Variants in KAZN observed in about 807,000 individuals in gnomAD.
KAZN encodes kazrin.
A neutral mutation model predicts 87.4 loss-of-function variants in KAZN; 40 were observed. The observed-to-expected ratio is 0.46, with a 90% confidence interval of 0.36 to 0.60. The LOEUF is 0.60. Ranked by LOEUF, KAZN falls within the 20% of genes least tolerant of loss-of-function variation. KAZN has a pLI of 0.00. For synonymous variants in KAZN, 466 were observed against 458.3 expected (o/e 1.02, Z -0.22); for missense variants, 898 against 1,073.9 (o/e 0.84, Z 2.29).
chr1:14,597,858 A>G (rs1676609163), upstream of KAZN, among the ~76,000 whole-genome samples: 1 of 152,166 alleles, frequency 6.6e-6, no homozygotes. Flanking sequence ...TGGGAGAGAA[A>G]GAGGAGCTGG....
chr1:14,826,344 A>G (rs920701278), intron 1 of KAZN, among the ~76,000 whole-genome samples: 2 of 152,242 alleles, frequency 1.3e-5, no homozygotes, highest in African/African-American at 4.8e-5. Flanking sequence ...GGCGTTGGCC[A>G]TATGGATTTA....
chr1:14,089,368 A>C (rs1249189346), intron 1 of KAZN, among the ~76,000 whole-genome samples: 10 of 152,000 alleles, frequency 6.6e-5, no homozygotes. Flanking sequence ...CATTTATTTT[A>C]TCTTCTTTTC....
intron 1 of KAZN, among the ~76,000 whole-genome samples, chr1:14,155,674 G>A (rs192250564): frequency 1.5e-3 from 232 of 151,698 alleles, no homozygotes; most frequent in African/African-American, 5.4e-3. Context: ...TTTTGAGACA[G>A]GGTCTTGCTC....
At chr1:13,967,380 C>G (rs2073022) in intron 1 of KAZN, among the ~76,000 whole-genome samples, 4 of 152,036 alleles carry the variant, frequency 2.6e-5, no homozygotes, top group African/African-American at 9.7e-5. Context: ...CCTCAGGGAG[C>G]CTTTGGAATC....
At chr1:14,719,492 A>C (rs548902569) in intron 1 of KAZN, among the ~76,000 whole-genome samples, 8 of 152,302 alleles carry the variant, frequency 5.3e-5, no homozygotes, top group African/African-American at 1.9e-4. Flanking sequence ...AGGGAGTGTA[A>C]TTTTAAGGAC....
At chr1:14,234,548 TATA>T (rs532271975) in intron 2 of KAZN, among the ~76,000 whole-genome samples, 12 of 151,780 alleles carry the variant, frequency 7.9e-5, no homozygotes, top group South Asian at 4.2e-4. Flanking sequence ...GAACTTAAAG[TATA>T]ATAATAATAA....
chr1:14,044,731 C>CT (rs1158721151), intron 1 of KAZN, among the ~76,000 whole-genome samples: 2 of 152,192 alleles, frequency 1.3e-5, no homozygotes, highest in Non-Finnish European at 2.9e-5. Flanking sequence ...CAACTTACAG[C>CT]TAAGGCAATG....
At chr1:14,858,564 T>C (rs1650444879) in intron 1 of KAZN, among the ~76,000 whole-genome samples, 1 of 152,228 alleles carries the variant, frequency 6.6e-6, no homozygotes, top group East Asian at 1.9e-4. Context: ...GTTTGGGTCG[T>C]TTCCACCTTT....
chr1:14,979,555 G>C (rs7518989), intron 2 of KAZN, among the ~76,000 whole-genome samples: 27,078 of 152,026 alleles, frequency 0.18, 2,634 homozygotes, highest in African/African-American at 0.23. Context: ...TCTTTTTCTG[G>C]AATTCAAGCA....
chr1:15,094,379 C>T lies in KAZN; in HGVS notation c.1422C>T (p.Ser474=), dbSNP rs748729780. 1.1e-4 allele frequency: 180 copies of T among 1,611,534 alleles called. No homozygotes were observed. The East Asian group carries it at 2.9e-3, about 26-fold the overall frequency. Residue 474 remains serine, a synonymous_variant, in exon 9 of 15, where the codon AGC becomes AGT. Coordinates refer to ENST00000376030, the MANE Select transcript of KAZN (RefSeq NM_201628.3). This position sits in a 1 kb window ranked among gnomAD's most constrained non-coding sequence, Gnocchi z 4.5. The part of the protein sequence containing the change: ...YVKACTENVK[S]GKVLLSLSDE... Reference sequence around the variant, plus strand: ...AGGCCTGCACGGAGAACGTGAAGAGCGGGAAGGTAGGCAACTCCGGGCCCC... The same window carrying T: ...AGGCCTGCACGGAGAACGTGAAGAGTGGGAAGGTAGGCAACTCCGGGCCCC...
At chr1:14,118,059 C>T (rs1557489362) in intron 1 of KAZN, among the ~76,000 whole-genome samples, 1 of 152,128 alleles carries the variant, frequency 6.6e-6, no homozygotes, top group Non-Finnish European at 1.5e-5. Context: ...CGGGGCGTTG[C>T]ATGGGGCAGC....
chr1:14,978,933 C>G (rs1665946354), intron 2 of KAZN, among the ~76,000 whole-genome samples: 1 of 151,974 alleles, frequency 6.6e-6, no homozygotes, highest in South Asian at 2.1e-4. Context: ...GAGACGGAGT[C>G]TTGCTGTGTC....
At chr1:14,985,507 G>C (rs536284566) in intron 2 of KAZN, among the ~76,000 whole-genome samples, 1 of 152,092 alleles carries the variant, frequency 6.6e-6, no homozygotes, top group Non-Finnish European at 1.5e-5. Flanking sequence ...TCCAGCCTGG[G>C]TGACACAGTG....
At chr1:14,215,560 A>G (rs1646940916) in intron 2 of KAZN, among the ~76,000 whole-genome samples, 1 of 152,240 alleles carries the variant, frequency 6.6e-6, no homozygotes, top group African/African-American at 2.4e-5. Flanking sequence ...TTGCAGTTGA[A>G]TAGCCTTAAC....
intron 2 of KAZN, among the ~76,000 whole-genome samples, chr1:14,385,573 C>G (rs1661801598): frequency 6.6e-6 from 1 of 152,128 alleles, no homozygotes; most frequent in South Asian, 2.1e-4. Context: ...ATTATGTACT[C>G]AGTAGTCATT....
chr1:14,319,391 C>T (rs1655893369), intron 2 of KAZN, among the ~76,000 whole-genome samples: 1 of 152,078 alleles, frequency 6.6e-6, no homozygotes, highest in African/African-American at 2.4e-5. Context: ...TGCGAACTTT[C>T]AGCTCACTGC....
intron 2 of KAZN, among the ~76,000 whole-genome samples, chr1:14,506,712 C>T (rs1164328054): frequency 1.3e-5 from 2 of 152,192 alleles, no homozygotes; most frequent in Non-Finnish European, 2.9e-5. Context: ...ATTGTTATCA[C>T]TTACTGTCAA....
intron 2 of KAZN, among the ~76,000 whole-genome samples, chr1:14,231,225 T>G (rs1323161902): frequency 6.6e-6 from 1 of 152,210 alleles, no homozygotes; most frequent in Non-Finnish European, 1.5e-5. Context: ...GCCAATGAGA[T>G]GACTGTCATC....
At chr1:15,020,002 G>A (rs529746222) in intron 2 of KAZN, among the ~76,000 whole-genome samples, 2 of 152,238 alleles carry the variant, frequency 1.3e-5, no homozygotes, top group South Asian at 4.2e-4. Flanking sequence ...GGACTGAGCT[G>A]GACTTGAACC....
Sources: allele counts gnomAD v4.1 joint callset (sites outside exome capture counted in the v4.1 genomes callset), GRCh38; gene constraint gnomAD v4.1.1; non-coding constraint Gnocchi (gnomAD v3.1); transcripts MANE v1.5; gene names NCBI Gene and HGNC (gene_info 2026-07-23, HGNC 2026-07-21).